Variants in KDM4C observed in about 807,000 individuals in gnomAD.
KDM4C encodes the protein lysine-specific demethylase 4C.
A neutral mutation model predicts 129.3 loss-of-function variants in KDM4C; 81 were observed. The ratio of observed to expected loss-of-function variants is 0.63; its 90% CI spans 0.52 to 0.75. The LOEUF is 0.75. Among genes scored for constraint, KDM4C ranks in the 30% least tolerant of loss-of-function variants. The pLI, the probability that KDM4C is intolerant of heterozygous loss-of-function variation, is 0.00. For synonymous variants in KDM4C, 573 were observed against 456.1 expected, an observed-to-expected ratio of 1.26 and a Z score of -3.26; for missense variants, 1,457 against 1,304.0, an observed-to-expected ratio of 1.12 and a Z score of -1.81.
At position 6,792,952 on chromosome 9, in the gene KDM4C, C is replaced by T. The variant is rs1382492020; in HGVS notation, c.-17-20C>T. On this transcript the variant is annotated intron_variant, in intron 1 of 21. Transcript: ENST00000381309. Reference sequence around the variant, plus strand: ...GCATATAATAATTCAGTTCTGTTGACCCTACTGTCTTCTCTCCAGACACTG... The same window carrying T: ...GCATATAATAATTCAGTTCTGTTGATCCTACTGTCTTCTCTCCAGACACTG... The T allele has an allele frequency of 2.5e-6, 4 of 1,612,714 alleles. No homozygotes were observed. In the Admixed American group the frequency reaches 5.0e-5, roughly 20 times the overall value.
chr9:6,907,735 G>T (rs3802406), intron 8 of KDM4C, among the ~76,000 whole-genome samples: 84,394 of 152,004 alleles, frequency 0.56, 23,962 homozygotes, highest in African/African-American at 0.68. Flanking sequence ...GTTGAAAGAA[G>T]TAAAGTGGAA....
intron 8 of KDM4C, among the ~76,000 whole-genome samples, chr9:6,929,345 A>G (rs544921815): frequency 6.6e-5 from 10 of 152,214 alleles, no homozygotes; most frequent in African/African-American, 2.4e-4. Flanking sequence ...TTACTCAACT[A>G]TCCTGGGTGT....
chr9:6,817,941 A>G (rs1832425609), intron 4 of KDM4C, among the ~76,000 whole-genome samples: 2 of 151,786 alleles, frequency 1.3e-5, no homozygotes, highest in South Asian at 4.2e-4. Context: ...GAATTTTTGT[A>G]TTTTTAGTAG....
intron 2 of KDM4C, among the ~76,000 whole-genome samples, chr9:6,799,460 C>T (rs376971492): frequency 2.3e-4 from 35 of 152,166 alleles, no homozygotes; most frequent in East Asian, 2.1e-3. Flanking sequence ...AGGCACTCTG[C>T]AGGCTGAGGC....
intron 8 of KDM4C, among the ~76,000 whole-genome samples, chr9:6,906,380 A>G (rs1015097622): frequency 1.3e-5 from 2 of 152,180 alleles, no homozygotes; most frequent in South Asian, 2.1e-4. Context: ...GCATCGTGGT[A>G]TACCGTTCCT....
chr9:7,032,273 T>C (rs1378373938), intron 15 of KDM4C, among the ~76,000 whole-genome samples: 2 of 152,248 alleles, frequency 1.3e-5, no homozygotes. Context: ...CTTTCTGTCC[T>C]GTCTACAGCA....
intron 13 of KDM4C, among the ~76,000 whole-genome samples, chr9:7,013,115 TAAA>T (rs1250001543): frequency 6.6e-6 from 1 of 152,148 alleles, no homozygotes; most frequent in Admixed American, 6.6e-5. Flanking sequence ...TCTCAATAAT[TAAA>T]AAATTCAAAC....
At chr9:6,741,744 A>T (rs2130262875) in intron 1 of KDM4C, among the ~76,000 whole-genome samples, 1 of 145,692 alleles carries the variant, frequency 6.9e-6, no homozygotes, top group South Asian at 2.1e-4. Context: ...TACTTTTTAA[A>T]AATAATAGAG....
In KDM4C at chr9:6,758,169, A is replaced by T; in HGVS notation, c.-52A>T. ...GGCCACTGTCTTCTCTTCCTCCTCC[A>T]CCGAGTCGTGCTCTCGCCCCAACCC... is the stretch of plus-strand genomic sequence containing the variant. On this transcript the variant is annotated 5_prime_UTR_variant, in exon 1 of 22. Coordinates refer to ENST00000381309, the MANE Select transcript of KDM4C (RefSeq NM_015061.6). This position sits in a 1 kb window ranked among gnomAD's most constrained non-coding sequence, Gnocchi z 4.6. 1.0e-6 allele frequency: 1 copy of T among 984,970 alleles called. No individual in the cohort carries two copies. The highest frequency in any genetic ancestry group is 4.7e-5 in the South Asian group (1 of 21,240). The allele number at this position is 984,970 out of a possible 1,614,324, so 61.0% of individuals were successfully genotyped here. A position where few individuals can be genotyped will look rare whatever the true frequency, so the allele number is the denominator to read the frequency against.
chr9:6,816,991 A>G (rs1832223280), intron 4 of KDM4C, among the ~76,000 whole-genome samples: 1 of 151,936 alleles, frequency 6.6e-6, no homozygotes, highest in Admixed American at 6.6e-5. Context: ...TTCAAAGACG[A>G]TTCTTATTTT....
intron 17 of KDM4C, chr9:7,076,313 AT>A: frequency 1.4e-6 from 1 of 692,564 alleles, no homozygotes; most frequent in East Asian, 2.7e-5. Context: ...AGGAATACAT[AT>A]GGGAAGTGTC....
chr9:7,166,885 T>A (rs1259720358), intron 20 of KDM4C, among the ~76,000 whole-genome samples: 2 of 144,572 alleles, frequency 1.4e-5, no homozygotes, highest in African/African-American at 4.9e-5. Context: ...ATTAAAATTG[T>A]CTCTCAAGCA....
At chr9:6,871,328 G>A (rs1842798853) in intron 5 of KDM4C, among the ~76,000 whole-genome samples, 2 of 152,118 alleles carry the variant, frequency 1.3e-5, no homozygotes, top group African/African-American at 4.8e-5. Context: ...CAACTGCAGG[G>A]CTATATCTGT....
chr9:7,026,828 T>C (rs12343988), intron 15 of KDM4C, among the ~76,000 whole-genome samples: 13,056 of 151,866 alleles, frequency 0.086, 978 homozygotes, highest in African/African-American at 0.2. Flanking sequence ...TAACCTGTCT[T>C]CGAGTTCACT....
chr9:7,094,333 T>A (rs1397404179), intron 17 of KDM4C, among the ~76,000 whole-genome samples: 1 of 152,114 alleles, frequency 6.6e-6, no homozygotes, highest in Non-Finnish European at 1.5e-5. Flanking sequence ...AAAAGGAATT[T>A]CTTTTTTTTT....
intron 19 of KDM4C, among the ~76,000 whole-genome samples, chr9:7,141,109 A>T (rs1841697013): frequency 1.3e-5 from 2 of 152,182 alleles, no homozygotes; most frequent in Admixed American, 1.3e-4. Context: ...GACTATCTTG[A>T]GCAGAAGTCA....
intron 12 of KDM4C, among the ~76,000 whole-genome samples, chr9:6,991,203 C>G (rs1430990460): frequency 6.6e-6 from 1 of 151,968 alleles, no homozygotes; most frequent in Non-Finnish European, 1.5e-5. Context: ...CTCAGCCTCC[C>G]AAGCAGCTGG....
intron 19 of KDM4C, among the ~76,000 whole-genome samples, chr9:7,148,377 C>G (rs1208321570): frequency 6.6e-6 from 1 of 152,226 alleles, no homozygotes; most frequent in East Asian, 1.9e-4. Context: ...TTCAGTACCA[C>G]CACCCCACTT....
chr9:6,771,177 C>G (rs924401095), intron 1 of KDM4C, among the ~76,000 whole-genome samples: 2 of 146,974 alleles, frequency 1.4e-5, no homozygotes, highest in African/African-American at 5.1e-5. Context: ...ATCCTCTTGC[C>G]TTGGCCTCCC....
Sources: gnomAD v4.1 joint callset for allele counts (sites outside exome capture counted in the v4.1 genomes callset) on GRCh38, gnomAD v4.1.1 for gene constraint, Gnocchi (gnomAD v3.1) non-coding constraint, MANE v1.5 for transcripts, NCBI Gene and HGNC (gene_info 2026-07-23, HGNC 2026-07-21) for gene names.